ADAMTS17: variants seen among roughly 807,000 people sequenced by gnomAD.
ADAMTS17 encodes A disintegrin and metalloproteinase with thrombospondin motifs 17.
ADAMTS17 carries 113 observed loss-of-function variants against 141.5 expected under a neutral mutation model. The observed-to-expected ratio is 0.80, with a 90% CI of 0.69 to 0.93. The LOEUF is 0.93. Among genes scored for constraint, ADAMTS17 ranks in the 40% least tolerant of loss-of-function variants. The pLI, the probability that ADAMTS17 is intolerant of heterozygous loss-of-function variation, is 0.00. For missense variants in ADAMTS17, 1,659 were observed against 1,517.9 expected (o/e 1.09, Z -1.54); for synonymous variants, 768 against 630.6 (o/e 1.22, Z -3.27).
chr15:100,289,292 G>A (rs1385829012), intron 3 of ADAMTS17, among the ~76,000 whole-genome samples: 1 of 152,082 alleles, frequency 6.6e-6, no homozygotes, highest in African/African-American at 2.4e-5. Context: ...ATTGAATCAG[G>A]AAGAAACTGA....
chr15:100,333,374 C>A (rs7171763), intron 2 of ADAMTS17, among the ~76,000 whole-genome samples: 142,907 of 152,224 alleles, frequency 0.94, 67,266 homozygotes, highest in Middle Eastern at 0.99. Context: ...CCCCGGCTAC[C>A]TATTGTTATG....
At chr15:100,340,468 C>G (rs997544417) in intron 2 of ADAMTS17, among the ~76,000 whole-genome samples, 9 of 152,134 alleles carry the variant, frequency 5.9e-5, no homozygotes, top group African/African-American at 2.2e-4. Context: ...AGACAAACAC[C>G]CTTTCTCTCC....
chr15:100,256,609 A>G (rs28497148), intron 6 of ADAMTS17: 14,842 of 152,194 alleles, frequency 0.098, 1,449 homozygotes, highest in African/African-American at 0.25. Flanking sequence ...GGCAGAAGGT[A>G]AAGGGAAGGG....
intron 2 of ADAMTS17, among the ~76,000 whole-genome samples, chr15:100,336,855 A>G (rs2046222102): frequency 1.3e-5 from 2 of 152,164 alleles, no homozygotes; most frequent in African/African-American, 2.4e-5. Flanking sequence ...TGCCCTCTTA[A>G]AAGTGGGGTC....
At chr15:100,006,605 G>A (rs1240047532) in intron 18 of ADAMTS17, among the ~76,000 whole-genome samples, 2 of 152,216 alleles carry the variant, frequency 1.3e-5, no homozygotes, top group Non-Finnish European at 2.9e-5. Flanking sequence ...AGCATGAGAT[G>A]TTGTATTCCA....
intron 2 of ADAMTS17, among the ~76,000 whole-genome samples, chr15:100,335,928 A>G (rs1343176494): frequency 1.3e-5 from 2 of 152,172 alleles, no homozygotes; most frequent in African/African-American, 4.8e-5. Flanking sequence ...GGTCCAGGGA[A>G]AAGTTAACCA....
chr15:100,207,347 A>T (rs7163955), intron 7 of ADAMTS17, among the ~76,000 whole-genome samples: 34 of 152,122 alleles, frequency 2.2e-4, no homozygotes, highest in Non-Finnish European at 3.8e-4. Context: ...TTCCAGACCC[A>T]TAAGGAATAA....
intron 15 of ADAMTS17, among the ~76,000 whole-genome samples, chr15:100,073,081 C>T (rs1010628923): frequency 1.4e-5 from 2 of 148,118 alleles, no homozygotes. Context: ...AAACAAACAG[C>T]CCCATCAAAA....
chr15:100,108,372 C>CAA (rs923752227), intron 14 of ADAMTS17, among the ~76,000 whole-genome samples: 3 of 152,194 alleles, frequency 2.0e-5, no homozygotes, highest in Non-Finnish European at 4.4e-5. Flanking sequence ...GACTGAGTTT[C>CAA]ACCCTGTTGG....
intron 7 of ADAMTS17, among the ~76,000 whole-genome samples, chr15:100,233,166 T>C (rs1330104234): frequency 1.3e-5 from 2 of 151,950 alleles, no homozygotes; most frequent in African/African-American, 4.8e-5. Flanking sequence ...CCGTCTCTAC[T>C]AAAAAGACAA....
chr15:100,254,759 C>A (rs551633911), intron 6 of ADAMTS17, among the ~76,000 whole-genome samples: 56 of 152,324 alleles, frequency 3.7e-4, no homozygotes, highest in African/African-American at 1.3e-3. Context: ...AAAGCAAACA[C>A]CACATGTCCT....
chr15:100,206,547 G>C (rs976338239), intron 7 of ADAMTS17, among the ~76,000 whole-genome samples: 1 of 152,180 alleles, frequency 6.6e-6, no homozygotes, highest in Non-Finnish European at 1.5e-5. Flanking sequence ...ACAGCTTTCA[G>C]CCTCCTCTAT....
At chr15:100,022,051 G>A (rs1442027305) in intron 18 of ADAMTS17, among the ~76,000 whole-genome samples, 1 of 152,168 alleles carries the variant, frequency 6.6e-6, no homozygotes, top group Non-Finnish European at 1.5e-5. Flanking sequence ...CTCAGATCTA[G>A]TTCGGGCTCC....
At chr15:100,003,445 AG>A (rs1390664393) in intron 18 of ADAMTS17, among the ~76,000 whole-genome samples, 3 of 152,100 alleles carry the variant, frequency 2.0e-5, no homozygotes, top group African/African-American at 7.3e-5. Context: ...CTCAGTCAGC[AG>A]GGTTGGCCGC....
At chr15:100,250,265 A>T (rs1424140166) in intron 7 of ADAMTS17, among the ~76,000 whole-genome samples, 2 of 152,208 alleles carry the variant, frequency 1.3e-5, no homozygotes, top group African/African-American at 4.8e-5. Context: ...TATATACCAA[A>T]TTACACAACA....
chr15:100,250,740 C>A (rs1315865971), intron 7 of ADAMTS17, among the ~76,000 whole-genome samples: 1 of 152,172 alleles, frequency 6.6e-6, no homozygotes, highest in African/African-American at 2.4e-5. Context: ...GAGCTGTAGT[C>A]TAGTTCACTC....
At chr15:100,330,737 G>A (rs1023153344) in intron 3 of ADAMTS17, 152 bp downstream of exon 3, 2 of 944,430 alleles carry the variant, frequency 2.1e-6, no homozygotes, top group African/African-American at 3.3e-5. Context: ...CACATAGAAA[G>A]GAAAAGGAAG....
intron 7 of ADAMTS17, among the ~76,000 whole-genome samples, chr15:100,212,099 T>C (rs945229749): frequency 1.3e-5 from 2 of 152,174 alleles, no homozygotes; most frequent in Non-Finnish European, 2.9e-5. Flanking sequence ...TACACATGCA[T>C]GTGCACGTAC....
intron 15 of ADAMTS17, among the ~76,000 whole-genome samples, chr15:100,091,010 C>CAACAAA (rs1555446585): frequency 3.7e-5 from 2 of 54,610 alleles, no homozygotes; most frequent in East Asian, 5.6e-4. Context: ...TCCGTCTCAA[C>CAACAAA]AAAAAAAAAA....
Sources: gnomAD v4.1 joint callset for allele counts (sites outside exome capture counted in the v4.1 genomes callset) on GRCh38, gnomAD v4.1.1 for gene constraint, MANE v1.5 for transcripts, NCBI Gene and HGNC (gene_info 2026-07-23, HGNC 2026-07-21) for gene names.